The following CLEC16A variants were observed in gnomAD, a reference collection of about 807,000 sequenced individuals.
The protein encoded by CLEC16A is C-type lectin domain containing 16A.
A neutral mutation model predicts 109.5 loss-of-function variants in CLEC16A; 51 were observed. That is an observed-to-expected ratio of 0.47 (90% CI 0.37 to 0.59). The LOEUF (loss-of-function observed/expected upper bound fraction) is 0.59. Among genes scored for constraint, CLEC16A ranks in the 20% least tolerant of loss-of-function variants. CLEC16A has a pLI of 0.00. For synonymous variants in CLEC16A, 673 were observed against 564.2 expected (o/e 1.19, Z -2.73); for missense variants, 1,339 against 1,394.0 (o/e 0.96, Z 0.63).
At chr16:11,027,548 G>A in intron 13 of CLEC16A, 1 of 1,554,952 alleles carries the variant, frequency 6.4e-7, no homozygotes, top group Non-Finnish European at 8.8e-7. Context: ...TGATTGAGGA[G>A]CACCTGGGGA....
At chr16:11,151,377 G>A (rs28557334) in intron 22 of CLEC16A, among the ~76,000 whole-genome samples, 2,019 of 152,288 alleles carry the variant, frequency 0.013, 41 homozygotes, top group African/African-American at 0.046. Flanking sequence ...GGTCACACCT[G>A]GGCCCTTGTC....
At chr16:11,078,131 G>A (rs1400664558) in intron 19 of CLEC16A, among the ~76,000 whole-genome samples, 1 of 152,072 alleles carries the variant, frequency 6.6e-6, no homozygotes, top group African/African-American at 2.4e-5. Context: ...CGCTCTAGGG[G>A]CATCTGATTT....
intron 19 of CLEC16A, among the ~76,000 whole-genome samples, chr16:11,105,034 G>A (rs569756300): frequency 6.6e-6 from 1 of 152,178 alleles, no homozygotes; most frequent in Non-Finnish European, 1.5e-5. Flanking sequence ...TAAGTATTCA[G>A]ATCTTTTCTT....
rs534179370 is a variant in CLEC16A at position 11,174,649 on chromosome 16, T to C, written c.2807-3686T>C. 4.0e-4 allele frequency among the ~76,000 whole-genome samples: 61 copies of C among 152,390 alleles called. No homozygotes were observed. Among genetic ancestry groups the C allele is most frequent in the African/African-American group, 1.4e-3 (57 of 41,596 alleles). On this transcript the variant is annotated intron_variant, in intron 23 of 23. Coordinates refer to ENST00000409790, the MANE Select transcript of CLEC16A (RefSeq NM_015226.3). This position sits in a 1 kb window ranked among gnomAD's most constrained non-coding sequence, Gnocchi z 4.7. ...AAGTCCCCCAGGGGTCCCCCCAGTT[T>C]AGGCCATGGGGGTTGGGCGGCAGTT...
chr16:11,168,857 T>C (rs1264902576), intron 23 of CLEC16A, among the ~76,000 whole-genome samples: 1 of 152,228 alleles, frequency 6.6e-6, no homozygotes, highest in African/African-American at 2.4e-5. Flanking sequence ...TTCTGCCAGT[T>C]GCTTGATTTG....
intron 23 of CLEC16A, among the ~76,000 whole-genome samples, chr16:11,176,332 G>A (rs1182704332): frequency 6.6e-6 from 1 of 152,198 alleles, no homozygotes; most frequent in East Asian, 1.9e-4. Flanking sequence ...TTCCACTAGT[G>A]TTCACCGATG....
At chr16:11,001,986 A>T (rs1006249297) in intron 10 of CLEC16A, among the ~76,000 whole-genome samples, 2 of 152,210 alleles carry the variant, frequency 1.3e-5, no homozygotes, top group East Asian at 3.8e-4. Context: ...CTAGTGTTCC[A>T]TTGCCTGTAG....
At chr16:11,083,347 A>G (rs2049840006) in intron 19 of CLEC16A, among the ~76,000 whole-genome samples, 1 of 152,038 alleles carries the variant, frequency 6.6e-6, no homozygotes, top group Non-Finnish European at 1.5e-5. Context: ...GATTTTTTGT[A>G]GAGACAGTAT....
At chr16:10,990,782 G>A (rs1428984880) in intron 10 of CLEC16A, among the ~76,000 whole-genome samples, 2 of 152,204 alleles carry the variant, frequency 1.3e-5, no homozygotes, top group Non-Finnish European at 1.5e-5. Context: ...TGGGCCATTG[G>A]TGACTTCTTC....
chr16:10,944,844 A>G (rs1195319305), intron 1 of CLEC16A, 47 bp downstream of exon 1: 16 of 1,507,072 alleles, frequency 1.1e-5, no homozygotes, highest in African/African-American at 1.4e-5. Context: ...GGACAGGGGG[A>G]CGGGGCGCCG....
At chr16:11,155,722 CA>C (rs1216034428) in intron 22 of CLEC16A, among the ~76,000 whole-genome samples, 21 of 152,340 alleles carry the variant, frequency 1.4e-4, no homozygotes, top group African/African-American at 5.1e-4. Context: ...GGCCTAGCCC[CA>C]ATCTGTTAAA....
At chr16:11,074,661 G>C (rs76484713) in intron 19 of CLEC16A, among the ~76,000 whole-genome samples, 5,609 of 152,272 alleles carry the variant, frequency 0.037, 387 homozygotes, top group African/African-American at 0.13. Flanking sequence ...ACATTAGAGA[G>C]ACATGTTCTG....
At chr16:11,144,734 G>A (rs1439750880) in intron 22 of CLEC16A, among the ~76,000 whole-genome samples, 1 of 152,252 alleles carries the variant, frequency 6.6e-6, no homozygotes, top group East Asian at 1.9e-4. Flanking sequence ...AGGGCCGTTG[G>A]TGACATTCTC....
chr16:11,030,339 A>G (rs1015400777), intron 13 of CLEC16A, among the ~76,000 whole-genome samples: 1 of 152,216 alleles, frequency 6.6e-6, no homozygotes, highest in Non-Finnish European at 1.5e-5. Flanking sequence ...ATTTTAAGAT[A>G]CTGCCAAACT....
At chr16:10,989,728 C>A (rs568852235) in intron 10 of CLEC16A, among the ~76,000 whole-genome samples, 1 of 152,154 alleles carries the variant, frequency 6.6e-6, no homozygotes, top group Non-Finnish European at 1.5e-5. Flanking sequence ...CTTCTAGTAG[C>A]AGGACTCTCT....
chr16:10,976,867 G>A (rs2043056230), intron 7 of CLEC16A, among the ~76,000 whole-genome samples: 1 of 152,194 alleles, frequency 6.6e-6, no homozygotes, highest in South Asian at 2.1e-4. Flanking sequence ...AACTCCTCTG[G>A]AGCATTTTAA....
intron 19 of CLEC16A, among the ~76,000 whole-genome samples, chr16:11,101,976 C>CT (rs35871397): frequency 0.013 from 1,649 of 129,512 alleles, 19 homozygotes; most frequent in African/African-American, 0.027. Flanking sequence ...ATAATTTTTG[C>CT]TTTTTTTTTT....
chr16:10,960,661 G>C (rs768707779), intron 2 of CLEC16A, among the ~76,000 whole-genome samples: 1 of 152,018 alleles, frequency 6.6e-6, no homozygotes, highest in Non-Finnish European at 1.5e-5. Context: ...AGGGGGTGGG[G>C]GTTAAGGTCT....
chr16:11,003,694 G>A (rs1389125398), intron 11 of CLEC16A, among the ~76,000 whole-genome samples: 1 of 152,190 alleles, frequency 6.6e-6, no homozygotes, highest in East Asian at 1.9e-4. Flanking sequence ...TGCTGCAGAA[G>A]TGTTCGTCAT....
Sources: allele counts gnomAD v4.1 joint callset (sites outside exome capture counted in the v4.1 genomes callset), GRCh38; gene constraint gnomAD v4.1.1; non-coding constraint Gnocchi (gnomAD v3.1); transcripts MANE v1.5; gene names NCBI Gene and HGNC (gene_info 2026-07-23, HGNC 2026-07-21).